Variants in KIF18B observed in about 807,000 individuals in gnomAD.
KIF18B encodes kinesin family member 18B, also known as kinesin-like protein KIF18B.
In KIF18B, 49 loss-of-function variants were observed where a neutral mutation model predicts 80.9. That is an observed-to-expected ratio of 0.61 (90% CI 0.48 to 0.77). The LOEUF is 0.77. Among genes scored for constraint, KIF18B ranks in the 30% least tolerant of loss-of-function variants. KIF18B has a pLI of 0.00. For synonymous variants in KIF18B, 439 were observed against 463.9 expected (o/e 0.95, Z 0.69); for missense variants, 994 against 1,127.7 (o/e 0.88, Z 1.70).
At position 44,933,002 on chromosome 17, in the gene KIF18B, GGA is replaced by G; in HGVS notation, c.1063-18_1063-17del. On this transcript the variant is annotated splice_polypyrimidine_tract_variant and intron_variant, in intron 7 of 15. Transcript: ENST00000593135. ...TGCTCTTCAGCTGAGATGGGGAACAGGAGAGAGATTTATTTGTTCATTCAAAG... is the reference window on the plus strand; with the variant it reads ...TGCTCTTCAGCTGAGATGGGGAACAGGAGAGATTTATTTGTTCATTCAAAG... The G allele has an allele frequency of 6.3e-7, 1 of 1,598,250 alleles. No individual in the cohort carries two copies.
In KIF18B at chr17:44,934,527, G is replaced by A. The variant is rs757788793; in HGVS notation, c.667C>T (p.Arg223Cys). The change falls in exon 5 of 16, where the codon CGC becomes TGC. Residue 223 changes from arginine (R) to cysteine (C), a missense_variant. Transcript: ENST00000593135. This position sits in a 1 kb window ranked among gnomAD's most constrained non-coding sequence, Gnocchi z 5.4. ...CTCACCTGGAAGATGGCATGGGAGC[G>A]GGAGGAAGTCGCGTTGGCATCAGTG... ...HPTDANATSS[R>C]SHAIFQIFVK... 12 of 1,612,602 alleles carry A rather than the reference G, an allele frequency of 7.4e-6. No individual in the cohort carries two copies. The highest frequency in any genetic ancestry group is 3.3e-5 in the Admixed American group (2 of 59,878).
Position 44,934,595 on chromosome 17 carries a change from A to G in KIF18B, c.599T>C (p.Leu200Pro), listed in dbSNP as rs764386228. ...FHQPASAEQL[L>P]EILTRGNRNR... ...ACGGTTCCCCCTGGTCAGTATCTCC[A>G]GCAGCTGCTCGGCTGAGGCTGGCTA... The change falls in exon 5 of 16, where the codon CTG becomes CCG. Residue 200 changes from leucine (L) to proline (P), a missense_variant. Physicochemically the swap from Leu to Pro is moderately conservative, Grantham distance 98. Transcript: ENST00000593135. This position sits in a 1 kb window ranked among gnomAD's most constrained non-coding sequence, Gnocchi z 5.4. 1.2e-6 allele frequency: 2 copies of G among 1,610,162 alleles called. No homozygotes were observed. Among genetic ancestry groups the G allele is most frequent in the Non-Finnish European group, 1.7e-6 (2 of 1,177,996 alleles).
chr17:44,947,043 A>G lies in KIF18B; in HGVS notation c.-15+585T>C, dbSNP rs181719301. The stretch of plus-strand genomic sequence containing the variant: ...AGAATCGCTTGAACCCGGGAGGCGG[A>G]GGTTGCAGTGAGCCAAGATCGCGCC... On this transcript the variant is annotated intron_variant, in intron 1 of 15. Coordinates refer to ENST00000593135, the MANE Select transcript of KIF18B (RefSeq NM_001265577.2). 5.1e-3 allele frequency among the ~76,000 whole-genome samples: 664 copies of G among 131,052 alleles called. 6 individuals carry two copies. Among genetic ancestry groups the G allele is most frequent in the African/African-American group, 0.018 (634 of 34,630 alleles). 86.0% of individuals were successfully genotyped at this position (131,052 alleles called of 152,430 possible).
chr17:44,943,139 G>C (rs1054372568), intron 1 of KIF18B, among the ~76,000 whole-genome samples: 2 of 151,810 alleles, frequency 1.3e-5, no homozygotes, highest in South Asian at 2.1e-4. Context: ...TCGCTCTGTC[G>C]ACCAGGCTGG....
In KIF18B at chr17:44,936,092, C is replaced by G. The variant is rs199910389; in HGVS notation, c.253G>C (p.Val85Leu). ...VFGEAATQQD[V>L]FQHTTHSVLD... ...ACGCTGTGCGTGGTGTGCTGGAACA[C>G]GTCCTGTTGGGTGGCCGCCTCGCCA... The change falls in exon 2 of 16, where the codon GTG (valine) becomes CTG (leucine). Residue 85 changes from valine (V) to leucine (L), a missense_variant. Coordinates refer to ENST00000593135, the MANE Select transcript of KIF18B (RefSeq NM_001265577.2). The G allele has an allele frequency of 3.5e-4, 572 of 1,613,860 alleles. 3 individuals carry two copies. The East Asian group carries it at 4.9e-3, about 14-fold the overall frequency.
rs373457511 is a variant in KIF18B at position 44,928,906 on chromosome 17, C to G, written c.1636G>C (p.Glu546Gln). 17 of 1,613,834 alleles carry G rather than the reference C, an allele frequency of 1.1e-5. No individual in the cohort carries two copies. The African/African-American group carries it at 1.1e-4, about 10-fold the overall frequency. The change falls in exon 12 of 16, where the codon GAA becomes CAA. Residue 546 changes from glutamate (E) to glutamine (Q), a missense_variant. Transcript: ENST00000593135. ...FETLQQLVQEEKIEPGAEALR... is the reference protein window; with the variant it reads ...FETLQQLVQEQKIEPGAEALR... The stretch of plus-strand genomic sequence containing the variant: ...GCCTCTGCCCCAGGCTCAATTTTTT[C>G]CTCTTGCACCAGCTGCTGTAGGGTC...
At chr17:44,936,646 T>A (rs2052318410) in intron 1 of KIF18B, among the ~76,000 whole-genome samples, 2 of 90,174 alleles carry the variant, frequency 2.2e-5, no homozygotes, top group African/African-American at 4.6e-5. Flanking sequence ...TTTTTTTTTT[T>A]TTTTTTTTTT....
intron 1 of KIF18B, among the ~76,000 whole-genome samples, chr17:44,944,530 G>A (rs553736951): frequency 1.1e-4 from 16 of 152,310 alleles, no homozygotes; most frequent in African/African-American, 2.6e-4. Flanking sequence ...TTACAGGCGT[G>A]AGCCACCGCG....
intron 1 of KIF18B, among the ~76,000 whole-genome samples, chr17:44,946,646 G>A (rs889747133): frequency 1.3e-5 from 2 of 152,144 alleles, no homozygotes; most frequent in Non-Finnish European, 2.9e-5. Flanking sequence ...TTCCCATGAC[G>A]ATGGAGGAAC....
In KIF18B at chr17:44,928,220, G is replaced by T; in HGVS notation, c.2082C>A (p.Val694=). Residue 694 remains valine, a synonymous_variant, in exon 13 of 16, where the codon GTC becomes GTA. Transcript: ENST00000593135. ...CHSPRVCPAT[V]IKSRVPLGPS... ...GGCCCAGGGGCACCCGGCTTTTGAT[G>T]ACTGTGGCTGGGCAAACGCGAGGGG... 2.5e-6 allele frequency: 4 copies of T among 1,613,112 alleles called. No homozygotes were observed. The highest frequency in any genetic ancestry group is 3.4e-6 in the Non-Finnish European group (4 of 1,179,474).
chr17:44,928,862 C>T lies in KIF18B; in HGVS notation c.1680G>A (p.Leu560=). 6.2e-7 allele frequency: 1 copy of T among 1,613,906 alleles called. No homozygotes were observed. The highest frequency in any genetic ancestry group is 2.2e-5 in the East Asian group (1 of 44,870). Residue 560 remains leucine, a synonymous_variant, in exon 12 of 16, where the codon CTG becomes CTA. Transcript: ENST00000593135. Reference sequence around the variant, plus strand: ...CCTGAGCCAGAGGTGCCCCCCTGGCCAGGCCTGAAGTCCTCAAGGCCTCTG... The same window carrying T: ...CCTGAGCCAGAGGTGCCCCCCTGGCTAGGCCTGAAGTCCTCAAGGCCTCTG... ...PGAEALRTSG[L]ARGAPLAQEL...
In KIF18B at chr17:44,932,904, C is replaced by T. The variant is rs1236960574; in HGVS notation, c.1137+8G>A. ...CCCTCCAGCCTGCCCCCAAGGCGGG[C>T]TCCTCACCTCAGCCTGGAGCTGTTG... On this transcript the variant is annotated splice_region_variant and intron_variant, in intron 8 of 15. Transcript: ENST00000593135. 1.3e-6 allele frequency: 2 copies of T among 1,599,508 alleles called. No homozygotes were observed. Among genetic ancestry groups the T allele is most frequent in the East Asian group, 2.2e-5 (1 of 44,480 alleles).
chr17:44,926,483 C>A lies in KIF18B; in HGVS notation c.2383G>T (p.Gly795Cys). 1 of 1,587,856 alleles carries A rather than the reference C, an allele frequency of 6.3e-7. No individual in the cohort carries two copies. ...KRVASSSVSH[G>C]RSRIARLPSS... ...GGGAGGCGGGCGATGCGGCTGCGGCCATGGGAGACTGAGGAACTGAGGGAG... is the reference window on the plus strand; with the variant it reads ...GGGAGGCGGGCGATGCGGCTGCGGCAATGGGAGACTGAGGAACTGAGGGAG... Residue 795 changes from glycine to cysteine, a missense_variant, in exon 15 of 16, where the codon GGC (glycine) becomes TGC (cysteine). Physicochemically the swap from Gly to Cys is radical, Grantham distance 159. Transcript: ENST00000593135.
Position 44,926,036 on chromosome 17 carries a change from G to T in KIF18B, c.*44C>A, listed in dbSNP as rs1567784624. The stretch of plus-strand genomic sequence containing the variant: ...GTCCAAGAGGGGTATCCAGCAGAGG[G>T]GCCGGTAGGTTAGGACACCTTGGTG... On this transcript the variant is annotated 3_prime_UTR_variant, in exon 16 of 16. Transcript: ENST00000593135. 2 of 1,609,276 alleles carry T rather than the reference G, an allele frequency of 1.2e-6. No individual in the cohort carries two copies. Among genetic ancestry groups the T allele is most frequent in the Non-Finnish European group, 1.7e-6 (2 of 1,176,108 alleles).
intron 10 of KIF18B, among the ~76,000 whole-genome samples, 160 bp from the exon 11 acceptor site, chr17:44,931,889 AT>A (rs1169442208): frequency 6.6e-6 from 1 of 152,178 alleles, no homozygotes; most frequent in Non-Finnish European, 1.5e-5. Context: ...TGATAAGAGT[AT>A]TTCTTCTTCC....
At chr17:44,937,502 T>A (rs771413627) in intron 1 of KIF18B, among the ~76,000 whole-genome samples, 4 of 152,210 alleles carry the variant, frequency 2.6e-5, no homozygotes, top group African/African-American at 4.8e-5. Flanking sequence ...GTATTTTATG[T>A]ACTTAATTGC....
chr17:44,939,988 G>C (rs1371276300), intron 1 of KIF18B, among the ~76,000 whole-genome samples: 1 of 152,126 alleles, frequency 6.6e-6, no homozygotes, highest in African/African-American at 2.4e-5. Flanking sequence ...ATTTTTAGTA[G>C]AGGTGGGGTC....
chr17:44,925,688 G>T lies in KIF18B; in HGVS notation c.*392C>A. The T allele has an allele frequency of 4.3e-6, 1 of 234,058 alleles. No homozygotes were observed. The highest frequency in any genetic ancestry group is 8.3e-6 in the Non-Finnish European group (1 of 120,626). 14.5% of individuals were successfully genotyped at this position (234,058 alleles called of 1,614,324 possible). ...CCCAGCTACTTGGAAAGCTGAGGCA[G>T]GAGAATTACTTGAACCCAGGAGGCG... On this transcript the variant is annotated 3_prime_UTR_variant, in exon 16 of 16. Transcript: ENST00000593135.
intron 1 of KIF18B, among the ~76,000 whole-genome samples, chr17:44,939,960 C>T (rs753606435): frequency 2.0e-5 from 3 of 152,190 alleles, no homozygotes; most frequent in African/African-American, 7.2e-5. Flanking sequence ...TGTGCCACCA[C>T]GCCCAGCTAA....
Sources: allele counts gnomAD v4.1 joint callset (sites outside exome capture counted in the v4.1 genomes callset), GRCh38; gene constraint gnomAD v4.1.1; non-coding constraint Gnocchi (gnomAD v3.1); transcripts MANE v1.5; gene names NCBI Gene and HGNC (gene_info 2026-07-23, HGNC 2026-07-21).